FHIT: variants seen among roughly 807,000 people sequenced by gnomAD.
FHIT encodes the protein bis(5'-adenosyl)-triphosphatase.
A neutral mutation model predicts 17.9 loss-of-function variants in FHIT; 19 were observed. The ratio of observed to expected loss-of-function variants is 1.06; its 90% confidence interval spans 0.74 to 1.56. FHIT has a LOEUF of 1.56. FHIT is among the 40% of genes most tolerant of loss of function. The probability of loss-of-function intolerance (pLI) is 0.00; values close to 1 mark genes in which losing one functional copy is unlikely to be tolerated. For synonymous variants in FHIT, 81 were observed against 69.7 expected (o/e 1.16, Z -0.81); for missense variants, 248 against 189.2 (o/e 1.31, Z -1.82).
chr3:59,850,363 C>T (rs1257874758), intron 8 of FHIT, among the ~76,000 whole-genome samples: 1 of 152,100 alleles, frequency 6.6e-6, no homozygotes. Context: ...TATGTTGGGC[C>T]CAAAGCTTTG....
intron 5 of FHIT, among the ~76,000 whole-genome samples, chr3:60,015,536 G>A (rs1700310976): frequency 2.6e-5 from 4 of 152,110 alleles, no homozygotes; most frequent in Admixed American, 2.6e-4. Context: ...TTTCCTTTGA[G>A]CAGATTGCCA....
intron 4 of FHIT, among the ~76,000 whole-genome samples, chr3:60,565,356 C>G (rs2037095841): frequency 6.6e-6 from 1 of 152,142 alleles, no homozygotes; most frequent in African/African-American, 2.4e-5. Flanking sequence ...TGCCCCCAAG[C>G]ACTATGGCTG....
chr3:60,458,415 A>T (rs2032247234), intron 5 of FHIT, among the ~76,000 whole-genome samples: 1 of 137,528 alleles, frequency 7.3e-6, no homozygotes, highest in Non-Finnish European at 1.6e-5. Flanking sequence ...GGAACATCAC[A>T]CACCACACAC....
chr3:61,244,829 T>C (rs1020296514), intron 1 of FHIT, among the ~76,000 whole-genome samples: 2 of 152,196 alleles, frequency 1.3e-5, no homozygotes, highest in African/African-American at 4.8e-5. Context: ...AAATCTAGCA[T>C]AAAAAATACA....
chr3:60,368,362 T>C (rs1320179949), intron 5 of FHIT, among the ~76,000 whole-genome samples: 2 of 152,028 alleles, frequency 1.3e-5, no homozygotes, highest in Non-Finnish European at 2.9e-5. Flanking sequence ...CATTCCTGTT[T>C]TGAATGTGCA....
Position 60,647,474 on chromosome 3 carries a change from A to G in FHIT, c.-17-110495T>C, listed in dbSNP as rs1352927710. Among the ~76,000 whole-genome samples the G allele has an allele frequency of 5.3e-5, 8 of 152,280 alleles. 1 individual carries two copies. In the South Asian group the frequency reaches 1.5e-3, roughly 28 times the overall value. On this transcript the variant is annotated intron_variant, in intron 4 of 9. Coordinates refer to ENST00000492590, the MANE Select transcript of FHIT (RefSeq NM_002012.4). ...TGCCCAAGGCCTCCTAGAAAGAAGA[A>G]GAGACTCTGGTACTCGAGGCCCTCA...
chr3:60,081,575 A>G (rs937244892), intron 5 of FHIT, among the ~76,000 whole-genome samples: 1 of 152,128 alleles, frequency 6.6e-6, no homozygotes, highest in African/African-American at 2.4e-5. Flanking sequence ...TATCCTACCC[A>G]ATTATTAACT....
intron 5 of FHIT, among the ~76,000 whole-genome samples, chr3:60,065,868 C>G (rs1050846386): frequency 6.6e-6 from 1 of 152,160 alleles, no homozygotes; most frequent in African/African-American, 2.4e-5. Context: ...CCAGTAGCAA[C>G]ACTGCTGCTG....
chr3:60,381,108 AT>A (rs1430366441), intron 5 of FHIT, among the ~76,000 whole-genome samples: 1 of 152,136 alleles, frequency 6.6e-6, no homozygotes, highest in Non-Finnish European at 1.5e-5. Context: ...TATATTACCC[AT>A]ATATTGTATT....
chr3:60,398,707 T>G (rs563278347), intron 5 of FHIT, among the ~76,000 whole-genome samples: 93 of 152,256 alleles, frequency 6.1e-4, no homozygotes, highest in African/African-American at 2.2e-3. Context: ...AAAATATTAA[T>G]GTTACCATAT....
chr3:60,887,318 G>A (rs1188549870), intron 3 of FHIT, among the ~76,000 whole-genome samples: 1 of 152,088 alleles, frequency 6.6e-6, no homozygotes, highest in African/African-American at 2.4e-5. Context: ...TTTCTCATTA[G>A]TTGGTTAAAA....
At chr3:60,127,336 T>C (rs983884842) in intron 5 of FHIT, among the ~76,000 whole-genome samples, 2 of 152,202 alleles carry the variant, frequency 1.3e-5, no homozygotes, top group African/African-American at 4.8e-5. Flanking sequence ...AAATAGCAAA[T>C]CATGTTATCT....
At chr3:61,097,293 C>T (rs965599246) in intron 2 of FHIT, among the ~76,000 whole-genome samples, 4 of 152,054 alleles carry the variant, frequency 2.6e-5, no homozygotes, top group South Asian at 4.1e-4. Context: ...GGCAAGGCAT[C>T]GCCTCACCCG....
chr3:60,291,615 A>AG (rs1489449285), intron 5 of FHIT, among the ~76,000 whole-genome samples: 1 of 152,166 alleles, frequency 6.6e-6, no homozygotes, highest in Non-Finnish European at 1.5e-5. Context: ...TAGGAAAAAA[A>AG]TAATTTCTTG....
chr3:60,599,323 G>T (rs1463100332), intron 4 of FHIT, among the ~76,000 whole-genome samples: 21 of 152,296 alleles, frequency 1.4e-4, no homozygotes, highest in Admixed American at 1.3e-3. Flanking sequence ...CACAGTCACA[G>T]TCAATTGGCC....
intron 8 of FHIT, among the ~76,000 whole-genome samples, chr3:59,828,093 C>CAAAT: frequency 6.6e-6 from 1 of 152,274 alleles, no homozygotes; most frequent in East Asian, 1.9e-4. Context: ...TGGAATAATA[C>CAAAT]AAATGTTCAA....
intron 8 of FHIT, among the ~76,000 whole-genome samples, chr3:59,879,198 C>T (rs1703295724): frequency 6.6e-6 from 1 of 152,078 alleles, no homozygotes. Context: ...TCTCATCTCT[C>T]TGTGGTTCTT....
chr3:60,153,368 A>G (rs1452859110), intron 5 of FHIT, among the ~76,000 whole-genome samples: 4 of 39,166 alleles, frequency 1.0e-4, no homozygotes, highest in Non-Finnish European at 1.8e-4. Context: ...TCACCAGAAA[A>G]AAAAAAAAAA....
chr3:60,017,633 C>T (rs1388535443), intron 5 of FHIT, among the ~76,000 whole-genome samples: 2 of 152,182 alleles, frequency 1.3e-5, no homozygotes, highest in Non-Finnish European at 2.9e-5. Flanking sequence ...CTTGGCAATC[C>T]TTTCTTTTTG....
Sources: gnomAD v4.1 joint callset for allele counts (sites outside exome capture counted in the v4.1 genomes callset) on GRCh38, gnomAD v4.1.1 for gene constraint, MANE v1.5 for transcripts, NCBI Gene and HGNC (gene_info 2026-07-23, HGNC 2026-07-21) for gene names.